Variants in PAX3 observed in about 807,000 individuals in gnomAD.
PAX3 encodes paired box 3.
A neutral mutation model predicts 51.6 loss-of-function variants in PAX3; 14 were observed. The observed-to-expected ratio is 0.27, with a 90% CI of 0.18 to 0.42. The LOEUF (loss-of-function observed/expected upper bound fraction) is 0.42, where lower values mean the gene tolerates loss of function less well. Ranked by LOEUF, PAX3 falls within the 10% of genes least tolerant of loss-of-function variation. The probability of loss-of-function intolerance (pLI) is 1.00; values close to 1 mark genes in which losing one functional copy is unlikely to be tolerated. For synonymous variants in PAX3, 280 were observed against 253.4 expected (o/e 1.11, Z -1.00); for missense variants, 540 against 642.8 (o/e 0.84, Z 1.73).
rs767866535 is a variant in PAX3 at position 222,295,510 on chromosome 2, G to A, written c.451+18C>T. On this transcript the variant is annotated intron_variant, in intron 3 of 8. Transcript: ENST00000392070. ...GACTGACTGTCGCGCCTCGGGGAGA[G>A]GTTAATGGGCCTAGTACCTGACGGC... The A allele has an allele frequency of 4.3e-6, 7 of 1,614,136 alleles. No homozygotes were observed. Among genetic ancestry groups the A allele is most frequent in the Non-Finnish European group, 5.9e-6 (7 of 1,179,942 alleles).
intron 4 of PAX3, among the ~76,000 whole-genome samples, chr2:222,280,021 G>T (rs1426997545): frequency 6.6e-6 from 1 of 152,038 alleles, no homozygotes; most frequent in Non-Finnish European, 1.5e-5. Flanking sequence ...GCCCAGCCTG[G>T]CCAACATGGT....
At chr2:222,212,516 G>A (rs1206853797) in intron 7 of PAX3, among the ~76,000 whole-genome samples, 1 of 151,910 alleles carries the variant, frequency 6.6e-6, no homozygotes, top group Non-Finnish European at 1.5e-5. Flanking sequence ...TACTGAATTC[G>A]AGCTAAATGT....
chr2:222,294,053 C>A, intron 4 of PAX3, 114 bp downstream of exon 4: 4 of 1,574,840 alleles, frequency 2.5e-6, no homozygotes, highest in South Asian at 1.2e-5. Context: ...AGACACCGCG[C>A]ATGAAGGGAC....
chr2:222,260,592 T>TTTTTTTTTTTTTTTTTTG (rs1693822961), intron 4 of PAX3, among the ~76,000 whole-genome samples: 1 of 28,852 alleles, frequency 3.5e-5, no homozygotes, highest in Non-Finnish European at 7.7e-5. Flanking sequence ...TTTTTTTTTG[T>TTTTTTTTTTTTTTTTTTG]TTTTTTTTTT....
intron 4 of PAX3, among the ~76,000 whole-genome samples, chr2:222,270,985 A>G (rs1267355831): frequency 1.3e-5 from 2 of 152,154 alleles, no homozygotes. Flanking sequence ...CAGCTACCAA[A>G]CCTTGTTTCA....
chr2:222,262,409 CT>C (rs1431549326), intron 4 of PAX3: 1 of 152,048 alleles, frequency 6.6e-6, no homozygotes, highest in Non-Finnish European at 1.5e-5. Context: ...TCAACCCCCC[CT>C]CACCATTTTA....
chr2:222,270,062 T>C (rs1694197192), intron 4 of PAX3, among the ~76,000 whole-genome samples: 1 of 152,234 alleles, frequency 6.6e-6, no homozygotes, highest in South Asian at 2.1e-4. Context: ...CTTGCAACAC[T>C]GTAGCTGAGG....
intron 4 of PAX3, among the ~76,000 whole-genome samples, chr2:222,281,368 C>T (rs1467876719): frequency 6.6e-6 from 1 of 152,228 alleles, no homozygotes; most frequent in Non-Finnish European, 1.5e-5. Context: ...TTATGTTCCA[C>T]TTCCTATTTT....
chr2:222,292,341 C>G (rs1015284621), intron 4 of PAX3, among the ~76,000 whole-genome samples: 1 of 152,190 alleles, frequency 6.6e-6, no homozygotes, highest in African/African-American at 2.4e-5. Context: ...CGAGCTGGAG[C>G]TTTGTCTGGG....
chr2:222,203,407 T>C (rs1163607908), intron 7 of PAX3, among the ~76,000 whole-genome samples: 1 of 152,098 alleles, frequency 6.6e-6, no homozygotes, highest in Admixed American at 6.5e-5. Context: ...TTACAAAGTA[T>C]TTAAATGCAG....
intron 4 of PAX3, among the ~76,000 whole-genome samples, chr2:222,247,661 G>A (rs764389466): frequency 6.6e-5 from 10 of 151,698 alleles, no homozygotes; most frequent in Non-Finnish European, 1.2e-4. Context: ...ATTTTTTTCT[G>A]TGGATCTATA....
In PAX3 at chr2:222,201,996, T is replaced by A. The variant is rs1428658204; in HGVS notation, c.1368A>T (p.Thr456=). The change falls in exon 8 of 9, where the codon ACA becomes ACT. Residue 456 remains threonine (T), a synonymous_variant. Coordinates refer to ENST00000392070, the MANE Select transcript of PAX3 (RefSeq NM_181458.4). ...CTGTGACAGGGTCCATACTGTAGCC[T>A]GTGGTGCTATAGGTGGGTGGACAGT... ...QSYCPPTYST[T]GYSMDPVTGY... 1.9e-6 allele frequency: 3 copies of A among 1,614,080 alleles called. No homozygotes were observed.
chr2:222,230,454 C>T (rs763115131), intron 5 of PAX3, among the ~76,000 whole-genome samples: 1 of 152,016 alleles, frequency 6.6e-6, no homozygotes, highest in Non-Finnish European at 1.5e-5. Context: ...GGAGAAATAC[C>T]TAATGTAGAT....
At chr2:222,233,190 G>A (rs75831082) in intron 4 of PAX3, 8 of 151,506 alleles carry the variant, frequency 5.3e-5, no homozygotes, top group Non-Finnish European at 2.9e-5. Flanking sequence ...GGCCTTCTGA[G>A]TGTGTGGCCC....
intron 7 of PAX3, among the ~76,000 whole-genome samples, chr2:222,204,286 A>G (rs1159714416): frequency 6.6e-6 from 1 of 152,098 alleles, no homozygotes; most frequent in African/African-American, 2.4e-5. Context: ...CAATTTCTTC[A>G]TTTCACTACT....
At chr2:222,247,737 C>G (rs770960168) in intron 4 of PAX3, among the ~76,000 whole-genome samples, 1 of 151,928 alleles carries the variant, frequency 6.6e-6, no homozygotes, top group Non-Finnish European at 1.5e-5. Flanking sequence ...CCCACTGAAT[C>G]TGAAAATTAG....
chr2:222,231,139 G>T (rs1317272795), intron 5 of PAX3, among the ~76,000 whole-genome samples: 4 of 152,166 alleles, frequency 2.6e-5, no homozygotes, highest in African/African-American at 9.7e-5. Flanking sequence ...TGTAATAGGA[G>T]AGTTAATTAG....
intron 4 of PAX3, among the ~76,000 whole-genome samples, chr2:222,282,049 C>G (rs7571319): frequency 0.74 from 113,084 of 152,178 alleles, 43,315 homozygotes; most frequent in East Asian, 0.99. Context: ...TTGGTTTTTT[C>G]TTATTTTTTT....
intron 4 of PAX3, among the ~76,000 whole-genome samples, chr2:222,239,834 A>T (rs1359051379): frequency 1.3e-5 from 2 of 152,036 alleles, no homozygotes; most frequent in Non-Finnish European, 1.5e-5. Context: ...AAAAAAAAAA[A>T]AATAGAATTT....
Sources: gnomAD v4.1 joint callset for allele counts (sites outside exome capture counted in the v4.1 genomes callset) on GRCh38, gnomAD v4.1.1 for gene constraint, MANE v1.5 for transcripts, NCBI Gene and HGNC (gene_info 2026-07-23, HGNC 2026-07-21) for gene names.